The following ATXN2L variants were observed in gnomAD, a reference collection of about 807,000 sequenced individuals.
ATXN2L encodes the protein ataxin-2-like protein.
In ATXN2L, 24 loss-of-function variants were observed where a neutral mutation model predicts 120.7. That is an observed-to-expected ratio of 0.20 (90% CI 0.14 to 0.28). ATXN2L has a LOEUF of 0.28. Ranked by LOEUF, ATXN2L falls within the 10% of genes least tolerant of loss-of-function variation. The pLI is 1.00. For missense variants in ATXN2L, 1,312 were observed against 1,432.3 expected (o/e 0.92, Z 1.36); for synonymous variants, 653 against 568.1 (o/e 1.15, Z -2.13).
intron 1 of ATXN2L, chr16:28,824,466 CCCCTCTTCG>C (rs1227623411): frequency 7.8e-7 from 1 of 1,287,838 alleles, no homozygotes; most frequent in South Asian, 1.2e-5. Context: ...CGCCAGCGGC[CCCCTCTTCG>C]CCCTCAACCG....
rs146152481 is a variant in ATXN2L, at chr16:28,826,783, G to A, written c.617-79G>A. 262 of 1,448,404 alleles carry A rather than the reference G, an allele frequency of 1.8e-4. 1 individual carries two copies. In the East Asian group the frequency reaches 5.6e-3, roughly 31 times the overall value. 89.7% of individuals were successfully genotyped at this position (1,448,404 alleles called of 1,614,324 possible). A position where few individuals can be genotyped will look rare whatever the true frequency, so the allele number is the denominator to read the frequency against. On this transcript the variant is annotated intron_variant, in intron 5 of 21. Coordinates refer to ENST00000336783, the MANE Select transcript of ATXN2L (RefSeq NM_007245.4). ...TAAACTTTGTTCCTGAACTACTTAC[G>A]GAGAGTGGGGTTGGGGGATATTGGA...
rs1299417726 is a variant in ATXN2L, at chr16:28,834,879, G to A, written c.2434-179G>A. ...CTGGTGGTACCTGTAACAAGGCATT[G>A]GACATCTGTATCTCTGAAGTGTAGA... is the stretch of plus-strand genomic sequence containing the variant. On this transcript the variant is annotated intron_variant, in intron 18 of 21. Coordinates refer to ENST00000336783, the MANE Select transcript of ATXN2L (RefSeq NM_007245.4). The A allele has an allele frequency of 4.4e-6, 5 of 1,135,918 alleles. No homozygotes were observed. In the East Asian group the frequency reaches 1.0e-4, roughly 23 times the overall value. 70.4% of individuals were successfully genotyped at this position (1,135,918 alleles called of 1,614,324 possible).
Position 28,833,335 on chromosome 16 carries a change from G to A in ATXN2L, c.1936G>A (p.Asp646Asn). The change falls in exon 14 of 22, where the codon GAT becomes AAT. Residue 646 changes from aspartate to asparagine, a missense_variant. Physicochemically the swap from Asp to Asn is conservative, Grantham distance 23. Transcript: ENST00000336783. ...GGGCCTCATCAAGGGAGAAGACAAAGATGAGGGCCCTGTTGCTGAGTGAGT... is the reference window on the plus strand; with the variant it reads ...GGGCCTCATCAAGGGAGAAGACAAAAATGAGGGCCCTGTTGCTGAGTGAGT... ...PVGLIKGEDKDEGPVAEQVKK... is the reference protein window; with the variant it reads ...PVGLIKGEDKNEGPVAEQVKK... The A allele has an allele frequency of 6.2e-7, 1 of 1,613,464 alleles. No homozygotes were observed. Among genetic ancestry groups the A allele is most frequent in the Non-Finnish European group, 8.5e-7 (1 of 1,179,480 alleles).
At chr16:28,833,036 C>T (rs1271533414) in intron 13 of ATXN2L, 23 bp from the exon 14 acceptor site, 4 of 1,610,682 alleles carry the variant, frequency 2.5e-6, no homozygotes, top group Non-Finnish European at 3.4e-6. Context: ...TCAGACTGGA[C>T]TGTGTGTGTT....
At chr16:28,830,281 T>A (rs1411129162) in intron 8 of ATXN2L, among the ~76,000 whole-genome samples, 2 of 152,258 alleles carry the variant, frequency 1.3e-5, no homozygotes, top group African/African-American at 4.8e-5. Flanking sequence ...GTGCTATTTC[T>A]TTTTATAAAA....
chr16:28,835,963 C>A lies in ATXN2L; in HGVS notation c.2926C>A (p.Pro976Thr), dbSNP rs758583366. Residue 976 changes from proline (P) to threonine (T), a missense_variant, in exon 22 of 22, where the codon CCG (proline) becomes ACG (threonine). By Grantham distance (38) the Pro-to-Thr change is conservative. Transcript: ENST00000336783. ...AHVQTGITAA[P>T]PPHPGAPHPP... is the part of the protein sequence containing the mutation. ...TGTCCAAACTGGAATCACAGCAGCC[C>A]CGCCCCCTCACCCTGGGGCTCCCCA... 3.7e-5 allele frequency: 57 copies of A among 1,541,908 alleles called. No homozygotes were observed. The highest frequency in any genetic ancestry group is 4.5e-5 in the Non-Finnish European group (52 of 1,144,842).
rs2054179709 is a variant in ATXN2L at position 28,830,968 on chromosome 16, C to T, written c.1217C>T (p.Ser406Phe). Residue 406 changes from serine (S) to phenylalanine (F), a missense_variant, in exon 10 of 22, where the codon TCC becomes TTC. Coordinates refer to ENST00000336783, the MANE Select transcript of ATXN2L (RefSeq NM_007245.4). ...AAAAAAAAAAACCAAACAGGCCCTTCCCGCATGTCCCCAAAGGCACAACGG... is the reference window on the plus strand; with the variant it reads ...AAAAAAAAAAACCAAACAGGCCCTTTCCGCATGTCCCCAAAGGCACAACGG... Reference protein sequence around the residue: ...SEARGINGGPSRMSPKAQRPL... With the variant: ...SEARGINGGPFRMSPKAQRPL... The T allele has an allele frequency of 1.3e-6, 2 of 1,569,280 alleles. No homozygotes were observed. Among genetic ancestry groups the T allele is most frequent in the East Asian group, 2.2e-5 (1 of 44,524 alleles).
intron 10 of ATXN2L, 152 bp from the exon 11 acceptor site, chr16:28,832,053 C>T: frequency 1.3e-6 from 1 of 750,424 alleles, no homozygotes; most frequent in Non-Finnish European, 2.1e-6. Context: ...GGCCATTTAC[C>T]TGCTTGTGTT....
chr16:28,832,582 T>C lies in ATXN2L; in HGVS notation c.1588+15T>C. ...AGCTGGGAAAGGTGAGGGTGGTTTT[T>C]TTTCTGCTGAGGATTAATGCTCCTT... is the stretch of plus-strand genomic sequence containing the variant. On this transcript the variant is annotated intron_variant, in intron 12 of 21. Transcript: ENST00000336783. The C allele has an allele frequency of 1.9e-6, 3 of 1,613,082 alleles. No individual in the cohort carries two copies. In the Admixed American group the frequency reaches 5.0e-5, roughly 27 times the overall value.
Position 28,823,318 on chromosome 16 carries a change from A to G in ATXN2L, c.59A>G (p.Gln20Arg). The G allele has an allele frequency of 6.7e-7, 1 of 1,484,562 alleles. No individual in the cohort carries two copies. The allele number at this position is 1,484,562 out of a possible 1,614,324, so 92.0% of individuals were successfully genotyped here. Reference protein sequence around the residue: ...PSQPQQPPPTQQAVARRPPGG... With the variant: ...PSQPQQPPPTRQAVARRPPGG... ...CAGCCCCAGCAGCCGCCCCCCACGC[A>G]ACAGGCCGTGGCCCGTCGGCCCCCC... is the stretch of plus-strand genomic sequence containing the variant. Residue 20 changes from glutamine (Q) to arginine (R), a missense_variant, in exon 1 of 22, where the codon CAA becomes CGA. Physicochemically the swap from Gln to Arg is conservative, Grantham distance 43 (BLOSUM62 1). Transcript: ENST00000336783.
intron 6 of ATXN2L, among the ~76,000 whole-genome samples, chr16:28,828,241 C>T (rs897818379): frequency 5.3e-5 from 8 of 152,164 alleles, no homozygotes; most frequent in Non-Finnish European, 7.3e-5. Flanking sequence ...GGTCTTATGA[C>T]TTTTCAGGTT....
chr16:28,823,393 C>T lies in ATXN2L; in HGVS notation c.134C>T (p.Ser45Phe). Residue 45 changes from serine (S) to phenylalanine (F), a missense_variant, in exon 1 of 22, where the codon TCT becomes TTT. Transcript: ENST00000336783. The part of the protein sequence containing the change: ...NGGLPGPLAT[S>F]AAPPGPPAAA... ...GGCCTCCCGGGGCCGCTGGCCACCTCTGCGGCTCCTCCCGGGCCTCCAGCG... is the reference window on the plus strand; with the variant it reads ...GGCCTCCCGGGGCCGCTGGCCACCTTTGCGGCTCCTCCCGGGCCTCCAGCG... 7.5e-7 allele frequency: 1 copy of T among 1,335,992 alleles called. No homozygotes were observed. Among genetic ancestry groups the T allele is most frequent in the Non-Finnish European group, 9.5e-7 (1 of 1,047,780 alleles). The allele number at this position is 1,335,992 out of a possible 1,614,324, so 82.8% of individuals were successfully genotyped here. A position where few individuals can be genotyped will look rare whatever the true frequency, so the allele number is the denominator to read the frequency against.
rs2053588811 is a variant in ATXN2L at position 28,829,564 on chromosome 16, T to C, written c.833+72T>C. 4.2e-6 allele frequency: 5 copies of C among 1,189,662 alleles called. No homozygotes were observed. The Admixed American group carries it at 7.6e-5, about 18-fold the overall frequency. 73.7% of individuals were successfully genotyped at this position (1,189,662 alleles called of 1,614,324 possible). A position where few individuals can be genotyped will look rare whatever the true frequency, so the allele number is the denominator to read the frequency against. On this transcript the variant is annotated intron_variant, in intron 7 of 21. Coordinates refer to ENST00000336783, the MANE Select transcript of ATXN2L (RefSeq NM_007245.4). ...CACTAAGTGAAGACAGGTTTCCAGG[T>C]AGAACATAGTTTTTGCTCATTTTTC...
Position 28,823,248 on chromosome 16 carries a change from G to A in ATXN2L, c.-12G>A. On this transcript the variant is annotated 5_prime_UTR_variant, in exon 1 of 22. Coordinates refer to ENST00000336783, the MANE Select transcript of ATXN2L (RefSeq NM_007245.4). Reference sequence around the variant, plus strand: ...TCCCTTCTCTCTAATTCCCCTTCCGGACGCTGCCATCATGTTGAAGCCTCA... The same window carrying A: ...TCCCTTCTCTCTAATTCCCCTTCCGAACGCTGCCATCATGTTGAAGCCTCA... 2.1e-6 allele frequency: 3 copies of A among 1,439,576 alleles called. No homozygotes were observed. Among genetic ancestry groups the A allele is most frequent in the Non-Finnish European group, 2.7e-6 (3 of 1,094,982 alleles). The allele number at this position is 1,439,576 out of a possible 1,614,324, so 89.2% of individuals were successfully genotyped here. A position where few individuals can be genotyped will look rare whatever the true frequency, so the allele number is the denominator to read the frequency against.
At chr16:28,829,583 AT>A in intron 7 of ATXN2L, 91 bp downstream of exon 7, 3 of 1,048,230 alleles carry the variant, frequency 2.9e-6, no homozygotes, top group Non-Finnish European at 4.3e-6. Flanking sequence ...GTTTTTGCTC[AT>A]TTTTCTCTGG....
At chr16:28,834,764 G>A in intron 18 of ATXN2L, 71 bp downstream of exon 18, 1 of 1,508,372 alleles carries the variant, frequency 6.6e-7, no homozygotes, top group South Asian at 1.3e-5. Context: ...CCAGAGACTT[G>A]GGAGCTGGCT....
In ATXN2L at chr16:28,829,466, C is replaced by A. The variant is rs2053550989; in HGVS notation, c.807C>A (p.Thr269=). ...FNEENYGVKT[T]YDSSLSSYTV... ...AGGAGAACTACGGTGTGAAGACTAC[C>A]TATGATAGCAGTCTTTCTTCTTATA... Residue 269 remains threonine (T), a synonymous_variant, in exon 7 of 22, where the codon ACC becomes ACA. Transcript: ENST00000336783. The A allele has an allele frequency of 1.9e-6, 3 of 1,609,932 alleles. No homozygotes were observed. The highest frequency in any genetic ancestry group is 2.6e-6 in the Non-Finnish European group (3 of 1,176,184).
chr16:28,836,498 C>G lies in ATXN2L; in HGVS notation c.*233C>G. The G allele has an allele frequency of 6.2e-7, 1 of 1,606,606 alleles. No homozygotes were observed. The highest frequency in any genetic ancestry group is 1.1e-5 in the South Asian group (1 of 90,106). ...TGACTTAGCCGAGGTAAGGTCAGTG[C>G]AGCAGACAGGGCCAGACTGGGGTGT... On this transcript the variant is annotated 3_prime_UTR_variant, in exon 22 of 22. Transcript: ENST00000336783.
chr16:28,826,592 G>A, intron 5 of ATXN2L: 1 of 601,918 alleles, frequency 1.7e-6, no homozygotes, highest in Non-Finnish European at 2.8e-6. Context: ...AATATATAAT[G>A]CGATGAATTC....
Sources: allele counts gnomAD v4.1 joint callset (sites outside exome capture counted in the v4.1 genomes callset), GRCh38; gene constraint gnomAD v4.1.1; transcripts MANE v1.5; gene names NCBI Gene and HGNC (gene_info 2026-07-23, HGNC 2026-07-21).